The following HSPA8 variants were observed in gnomAD, a reference collection of about 807,000 sequenced individuals.
HSPA8 encodes heat shock cognate 71 kDa protein.
In HSPA8, 2 loss-of-function variants were observed where a neutral mutation model predicts 52.8. The observed-to-expected ratio is 0.04, with a 90% CI of 0.02 to 0.12. The LOEUF is 0.12. HSPA8 is among the 10% of genes least tolerant of loss of function. The pLI is 1.00. For synonymous variants in HSPA8, 436 were observed against 274.0 expected, an observed-to-expected ratio of 1.59 and a Z score of -5.84; for missense variants, 349 against 800.5, an observed-to-expected ratio of 0.44 and a Z score of 6.81.
intron 5 of HSPA8, 25 bp from the exon 6 acceptor site, chr11:123,059,286 AAAG>A (rs1294616349): frequency 5.7e-6 from 9 of 1,584,214 alleles, no homozygotes; most frequent in Admixed American, 3.5e-5. Flanking sequence ...GTTAACGTTA[AAAG>A]AAGTTAAAAG....
chr11:123,059,290 A>T (rs1229300411), intron 5 of HSPA8, 29 bp from the exon 6 acceptor site: 17 of 1,587,048 alleles, frequency 1.1e-5, no homozygotes, highest in East Asian at 2.2e-5. Flanking sequence ...ACGTTAAAAG[A>T]AGTTAAAAGA....
rs767386032 is a variant in HSPA8 at position 123,060,818 on chromosome 11, A to C, written c.206-20T>G. The C allele has an allele frequency of 6.3e-7, 1 of 1,592,226 alleles. No individual in the cohort carries two copies. The highest frequency in any genetic ancestry group is 8.6e-7 in the Non-Finnish European group (1 of 1,168,962). ...TGGCATCTGTAAAAGGTGTCAAATG[A>C]AAACACTTTCAATTTCATAGCTCTT... On this transcript the variant is annotated intron_variant, in intron 2 of 8. Coordinates refer to ENST00000534624, the MANE Select transcript of HSPA8 (RefSeq NM_006597.6).
rs1305421014 is a variant in HSPA8 at position 123,059,525 on chromosome 11, T to C, written c.1068A>G (p.Gly356=). The part of the protein sequence containing the change: ...IQKLLQDFFN[G]KELNKSINPD... ...GGTTGATGCTCTTATTCAGTTCTTTTCCATTGAAGAAGTCTTGGAGAAGCT... is the reference window on the plus strand; with the variant it reads ...GGTTGATGCTCTTATTCAGTTCTTTCCCATTGAAGAAGTCTTGGAGAAGCT... The change falls in exon 5 of 9, where the codon GGA becomes GGG. Residue 356 remains glycine (G), a synonymous_variant. Coordinates refer to ENST00000534624, the MANE Select transcript of HSPA8 (RefSeq NM_006597.6). 1.9e-6 allele frequency: 3 copies of C among 1,614,018 alleles called. No homozygotes were observed. Among genetic ancestry groups the C allele is most frequent in the Non-Finnish European group, 2.5e-6 (3 of 1,180,022 alleles).
chr11:123,062,396 G>T (rs936613125), upstream of HSPA8: 1 of 152,482 alleles, frequency 6.6e-6, no homozygotes, highest in Non-Finnish European at 1.5e-5. Flanking sequence ...GGACGGCCCC[G>T]GGGAAAGGGA....
Position 123,060,267 on chromosome 11 carries a change from G to A in HSPA8, c.413C>T (p.Thr138Ile). The change falls in exon 4 of 9, where the codon ACT becomes ATT. Residue 138 changes from threonine (T) to isoleucine (I), a missense_variant and splice_region_variant. Physicochemically the swap from Thr to Ile is moderately conservative, Grantham distance 89. Transcript: ENST00000534624. ...CACTGTGACCACAGCATTGGTAACA[G>A]TCTAGGAATAAGGAAAAGACCACAG... ...KEIAEAYLGK[T>I]VTNAVVTVPA... is the part of the protein sequence containing the mutation. 5.6e-6 allele frequency: 9 copies of A among 1,613,016 alleles called. No homozygotes were observed. Among genetic ancestry groups the A allele is most frequent in the Non-Finnish European group, 7.6e-6 (9 of 1,179,762 alleles).
In HSPA8 at chr11:123,057,681, T is replaced by C. The variant is rs922486626; in HGVS notation, c.*53A>G. On this transcript the variant is annotated 3_prime_UTR_variant, in exon 9 of 9. Coordinates refer to ENST00000534624, the MANE Select transcript of HSPA8 (RefSeq NM_006597.6). ...CCACAGAATTTGCTACGAATTTAGG[T>C]CCTTCAAATGTTTTAAATGTGTGGA... 203 of 1,420,196 alleles carry C rather than the reference T, an allele frequency of 1.4e-4. 1 individual carries two copies. The highest frequency in any genetic ancestry group is 2.4e-5 in the Non-Finnish European group (25 of 1,045,170). 88.0% of individuals were successfully genotyped at this position (1,420,196 alleles called of 1,614,324 possible).
Position 123,061,100 on chromosome 11 carries a change from A to G in HSPA8, c.205+20T>C, listed in dbSNP as rs373173372. ...CTAGCCCTGTTATATTTGTTCTGTC[A>G]TTTAAAATTAGGAACTCACCAAAAA... On this transcript the variant is annotated intron_variant, in intron 2 of 8. Coordinates refer to ENST00000534624, the MANE Select transcript of HSPA8 (RefSeq NM_006597.6). The G allele has an allele frequency of 1.6e-5, 26 of 1,601,988 alleles. No individual in the cohort carries two copies. Among genetic ancestry groups the G allele is most frequent in the African/African-American group, 1.1e-4 (8 of 74,648 alleles).
chr11:123,058,534 T>TAATTAACTA, intron 7 of HSPA8, 50 bp from the exon 8 acceptor site: 1 of 1,586,974 alleles, frequency 6.3e-7, no homozygotes. Context: ...CCTGTGTATG[T>TAATTAACTA]GTAACTCTAG....
rs1438034150 is a variant in HSPA8 at position 123,061,136 on chromosome 11, G to A, written c.189C>T (p.Pro63=). ...GGAACTCACCAAAAACTGTGTTGGT[G>A]GGGTTCATTGCAACTTGATTCTTTG... ...DAAKNQVAMN[P]TNTVFDAKRL... Residue 63 remains proline, a synonymous_variant, in exon 2 of 9, where the codon CCC becomes CCT. Coordinates refer to ENST00000534624, the MANE Select transcript of HSPA8 (RefSeq NM_006597.6). 3 of 1,613,498 alleles carry A rather than the reference G, an allele frequency of 1.9e-6. No homozygotes were observed. The highest frequency in any genetic ancestry group is 1.1e-5 in the South Asian group (1 of 91,076).
At chr11:123,059,423 G>C (rs1565367968) in intron 5 of HSPA8, 50 bp downstream of exon 5, 1 of 1,508,892 alleles carries the variant, frequency 6.6e-7, no homozygotes, top group South Asian at 1.2e-5. Context: ...ATCACAGCGA[G>C]TCACCTTGGG....
Position 123,059,915 on chromosome 11 carries a change from G to A in HSPA8, c.678C>T (p.Thr226=). The A allele has an allele frequency of 6.2e-7, 1 of 1,613,648 alleles. No individual in the cohort carries two copies. The highest frequency in any genetic ancestry group is 1.3e-5 in the African/African-American group (1 of 74,948). ...TGTCAAAATCTTCTCCACCCAAGTG[G>A]GTGTCTCCAGCTGTAGACTTGACCT... is the stretch of plus-strand genomic sequence containing the variant. ...IFEVKSTAGD[T]HLGGEDFDNR... is the part of the protein sequence containing the mutation. The change falls in exon 5 of 9, where the codon ACC becomes ACT. Residue 226 remains threonine, a synonymous_variant. Coordinates refer to ENST00000534624, the MANE Select transcript of HSPA8 (RefSeq NM_006597.6).
intron 1 of HSPA8, 100 bp downstream of exon 1, chr11:123,061,964 C>G (rs951697877): frequency 6.5e-6 from 1 of 153,328 alleles, no homozygotes; most frequent in African/African-American, 2.5e-5. Context: ...CTCGCCTCGA[C>G]GAGATTCTCA....
In HSPA8 at chr11:123,057,927, A is replaced by T. The variant is rs1865354057; in HGVS notation, c.1756-8T>A. The T allele has an allele frequency of 1.3e-6, 2 of 1,587,250 alleles. No individual in the cohort carries two copies. The highest frequency in any genetic ancestry group is 1.7e-6 in the Non-Finnish European group (2 of 1,168,384). On this transcript the variant is annotated splice_polypyrimidine_tract_variant and splice_region_variant and intron_variant, in intron 8 of 8. Transcript: ENST00000534624. ...TTCTTCCTTCTCAGCAGTCTGAGGA[A>T]GAGAAAAAGGAATTACTGCAAGTTC...
intron 5 of HSPA8, 75 bp downstream of exon 5, chr11:123,059,398 G>A: frequency 7.4e-7 from 1 of 1,351,854 alleles, no homozygotes; most frequent in Non-Finnish European, 1.0e-6. Flanking sequence ...AACTACGAAT[G>A]TTTAACAATC....
Position 123,060,704 on chromosome 11 carries a change from C to G in HSPA8, c.300G>C (p.Arg100Ser). 1 of 1,613,824 alleles carries G rather than the reference C, an allele frequency of 6.2e-7. No individual in the cohort carries two copies. The highest frequency in any genetic ancestry group is 8.5e-7 in the Non-Finnish European group (1 of 1,179,808). The change falls in exon 3 of 9, where the codon AGG becomes AGC. Residue 100 changes from arginine (R) to serine (S), a missense_variant. Transcript: ENST00000534624. ...CCTTGTATTCTACTTGGACCTTGGG[C>G]CTGCCAGCATCATTCACCACCATAA... ...WPFMVVNDAG[R>S]PKVQVEYKGE...
rs1397356715 is a variant in HSPA8 at position 123,059,148 on chromosome 11, C to T, written c.1234G>A (p.Val412Ile). The change falls in exon 6 of 9, where the codon GTC (valine) becomes ATC (isoleucine). Residue 412 changes from valine (V) to isoleucine (I), a missense_variant. Val to Ile is a conservative substitution (Grantham distance 29). Coordinates refer to ENST00000534624, the MANE Select transcript of HSPA8 (RefSeq NM_006597.6). ...ATGGTGGTATTACGCTTGATGAGGA[C>T]AGTCATGACTCCACCAGCAGTTTCA... is the stretch of plus-strand genomic sequence containing the variant. ...GIETAGGVMT[V>I]LIKRNTTIPT... 5 of 1,611,936 alleles carry T rather than the reference C, an allele frequency of 3.1e-6. No homozygotes were observed. The highest frequency in any genetic ancestry group is 4.2e-6 in the Non-Finnish European group (5 of 1,179,872).
rs1591435909 is a variant in HSPA8, at chr11:123,058,375, G to C, written c.1632C>G (p.Ser544=). The change falls in exon 8 of 9, where the codon TCC becomes TCG. Residue 544 remains serine (S), a synonymous_variant. Coordinates refer to ENST00000534624, the MANE Select transcript of HSPA8 (RefSeq NM_006597.6). ...CAGTTGCTTTCATGTTGAAGGCATA[G>C]GACTCAAGTGAATTCTTGGATGACA... The part of the protein sequence containing the change: ...DKVSSKNSLE[S]YAFNMKATVE... 4 of 1,613,518 alleles carry C rather than the reference G, an allele frequency of 2.5e-6. No individual in the cohort carries two copies. The African/African-American group carries it at 5.3e-5, about 22-fold the overall frequency.
At position 123,061,172 on chromosome 11, in the gene HSPA8, G is replaced by C. The variant is rs376156706; in HGVS notation, c.153C>G (p.Ile51Met). The change falls in exon 2 of 9, where the codon ATC becomes ATG. Residue 51 changes from isoleucine to methionine, a missense_variant. Physicochemically the swap from Ile to Met is conservative, Grantham distance 10 (BLOSUM62 1). Coordinates refer to ENST00000534624, the MANE Select transcript of HSPA8 (RefSeq NM_006597.6). ...CAACTTGATTCTTTGCGGCATCACC[G>C]ATCAACCGTTCAGTGTCCGTAAAGG... ...YVAFTDTERL[I>M]GDAAKNQVAM... is the part of the protein sequence containing the mutation. 6.2e-6 allele frequency: 10 copies of C among 1,613,710 alleles called. No individual in the cohort carries two copies. The highest frequency in any genetic ancestry group is 1.3e-5 in the African/African-American group (1 of 74,906).
Position 123,058,637 on chromosome 11 carries a change from T to C in HSPA8, c.1517A>G (p.Asp506Gly). ...GKENKITITN[D>G]KGRLSKEDIE... ...AGATGACAGTGCCTCCTTACCCTTGTCATTAGTGATAGTAATCTTGTTCTC... is the reference window on the plus strand; with the variant it reads ...AGATGACAGTGCCTCCTTACCCTTGCCATTAGTGATAGTAATCTTGTTCTC... Residue 506 changes from aspartate (D) to glycine (G), a missense_variant, in exon 7 of 9, where the codon GAC becomes GGC. Asp to Gly is a moderately conservative substitution (Grantham distance 94). Coordinates refer to ENST00000534624, the MANE Select transcript of HSPA8 (RefSeq NM_006597.6). 1 of 1,612,312 alleles carries C rather than the reference T, an allele frequency of 6.2e-7. No homozygotes were observed. Among genetic ancestry groups the C allele is most frequent in the Non-Finnish European group, 8.5e-7 (1 of 1,178,642 alleles).
Sources: gnomAD v4.1 joint callset for allele counts on GRCh38, gnomAD v4.1.1 for gene constraint, MANE v1.5 for transcripts, NCBI Gene and HGNC (gene_info 2026-07-23, HGNC 2026-07-21) for gene names.